Variants in SIM1 observed in about 807,000 individuals in gnomAD.
SIM1 encodes the protein SIM bHLH transcription factor 1.
A neutral mutation model predicts 78.2 loss-of-function variants in SIM1; 18 were observed. That is an observed-to-expected ratio of 0.23 (90% confidence interval 0.16 to 0.34). The LOEUF (loss-of-function observed/expected upper bound fraction) is 0.34, where lower values mean the gene tolerates loss of function less well. Ranked by LOEUF, SIM1 falls within the 10% of genes least tolerant of loss-of-function variation. The pLI, the probability that SIM1 is intolerant of heterozygous loss-of-function variation, is 1.00. For missense variants in SIM1, 939 were observed against 975.1 expected, an observed-to-expected ratio of 0.96 and a Z score of 0.49; for synonymous variants, 417 against 385.2, an observed-to-expected ratio of 1.08 and a Z score of -0.97.
chr6:100,451,168 C>T (rs970315230), intron 3 of SIM1, among the ~76,000 whole-genome samples: 10 of 152,296 alleles, frequency 6.6e-5, no homozygotes, highest in African/African-American at 2.2e-4. Flanking sequence ...CATAGCTGAA[C>T]AGGTAGTGCT....
At chr6:100,412,812 G>A (rs906774832) in intron 10 of SIM1, among the ~76,000 whole-genome samples, 21 of 152,052 alleles carry the variant, frequency 1.4e-4, no homozygotes, top group Admixed American at 1.1e-3. Context: ...ACGGACGGAC[G>A]GAAGGAAGGA....
chr6:100,387,718 G>A lies in SIM1; in HGVS notation c.*2643C>T, dbSNP rs1386486160. On this transcript the variant is annotated 3_prime_UTR_variant, in exon 12 of 12. Coordinates refer to ENST00000369208, the MANE Select transcript of SIM1 (RefSeq NM_005068.3). ...ATTCTGTATTCTCTTAAAAATATTG[G>A]TCATGTCATTTTAAAGAGCATTATT... 1.3e-5 allele frequency: 2 copies of A among 151,902 alleles called. No homozygotes were observed. The highest frequency in any genetic ancestry group is 2.4e-5 in the African/African-American group (1 of 41,386). 9.4% of individuals were successfully genotyped at this position (151,902 alleles called of 1,614,324 possible). A position where few individuals can be genotyped will look rare whatever the true frequency, so the allele number is the denominator to read the frequency against.
Position 100,388,764 on chromosome 6 carries a change from C to T in SIM1, c.*1597G>A, listed in dbSNP as rs1411733739. 1 of 152,142 alleles carries T rather than the reference C, an allele frequency of 6.6e-6. No individual in the cohort carries two copies. The highest frequency in any genetic ancestry group is 1.9e-4 in the East Asian group (1 of 5,200). 9.4% of individuals were successfully genotyped at this position (152,142 alleles called of 1,614,324 possible). A position where few individuals can be genotyped will look rare whatever the true frequency, so the allele number is the denominator to read the frequency against. On this transcript the variant is annotated 3_prime_UTR_variant, in exon 12 of 12. Transcript: ENST00000369208. Reference sequence around the variant, plus strand: ...CTAGGAAATATTATCTATGAAATCTCTCTAATCACTTATATCATTTTGCTT... The same window carrying T: ...CTAGGAAATATTATCTATGAAATCTTTCTAATCACTTATATCATTTTGCTT...
chr6:100,445,252 C>T (rs1772326309), intron 9 of SIM1, among the ~76,000 whole-genome samples: 6 of 152,162 alleles, frequency 3.9e-5, no homozygotes, highest in Admixed American at 2.0e-4. Flanking sequence ...ACATTTGCAG[C>T]TATAAAAATT....
intron 10 of SIM1, among the ~76,000 whole-genome samples, chr6:100,399,097 A>C (rs1770844575): frequency 6.6e-6 from 1 of 152,054 alleles, no homozygotes; most frequent in Admixed American, 6.6e-5. Flanking sequence ...AAATCTTTGG[A>C]GAAATGTCTA....
chr6:100,414,180 C>A (rs1771338391), intron 10 of SIM1, among the ~76,000 whole-genome samples: 1 of 152,240 alleles, frequency 6.6e-6, no homozygotes, highest in African/African-American at 2.4e-5. Flanking sequence ...CAGAAGCCAA[C>A]AGTCCCTGGA....
intron 9 of SIM1, among the ~76,000 whole-genome samples, chr6:100,424,107 A>G (rs1771663694): frequency 8.3e-6 from 1 of 120,298 alleles, no homozygotes; most frequent in African/African-American, 3.2e-5. Flanking sequence ...ACTGTTGAAG[A>G]AGTCTTACCA....
chr6:100,432,539 T>C (rs185898504), intron 9 of SIM1, among the ~76,000 whole-genome samples: 1 of 152,078 alleles, frequency 6.6e-6, no homozygotes, highest in East Asian at 1.9e-4. Context: ...CTTCACACTT[T>C]CCCCAAGGCG....
intron 1 of SIM1, among the ~76,000 whole-genome samples, chr6:100,464,270 G>A (rs1772933654): frequency 6.6e-6 from 1 of 152,202 alleles, no homozygotes; most frequent in Non-Finnish European, 1.5e-5. Flanking sequence ...GCAGGTTTCC[G>A]CAAATCAGAA....
chr6:100,400,980 GA>G (rs34396535), intron 10 of SIM1, among the ~76,000 whole-genome samples: 22,055 of 149,144 alleles, frequency 0.15, 1,962 homozygotes, highest in East Asian at 0.43. Flanking sequence ...TAATTAGAAG[GA>G]AAAAAAAACA....
intron 10 of SIM1, among the ~76,000 whole-genome samples, chr6:100,412,514 G>A (rs1315721657): frequency 3.4e-5 from 5 of 146,320 alleles, no homozygotes; most frequent in African/African-American, 5.1e-5. Flanking sequence ...TCGAGGCTGG[G>A]TGACAGAGCA....
Position 100,390,018 on chromosome 6 carries a change from G to T in SIM1, c.*343C>A. The T allele has an allele frequency of 2.6e-6, 1 of 386,286 alleles. No individual in the cohort carries two copies. The highest frequency in any genetic ancestry group is 4.6e-6 in the Non-Finnish European group (1 of 217,714). 23.9% of individuals were successfully genotyped at this position (386,286 alleles called of 1,614,324 possible). ...GTAAGTAATAGTTTGTGTGTTTGAG[G>T]ATCACTGGATAGTCACAATGCAATG... is the stretch of plus-strand genomic sequence containing the variant. On this transcript the variant is annotated 3_prime_UTR_variant, in exon 12 of 12. Transcript: ENST00000369208.
chr6:100,402,341 G>A (rs986564945), intron 10 of SIM1, among the ~76,000 whole-genome samples: 1 of 152,026 alleles, frequency 6.6e-6, no homozygotes, highest in African/African-American at 2.4e-5. Flanking sequence ...CAGGCCACTA[G>A]CCAGTCATCT....
At chr6:100,459,988 T>C (rs1197636738) in intron 2 of SIM1, among the ~76,000 whole-genome samples, 2 of 152,238 alleles carry the variant, frequency 1.3e-5, no homozygotes, top group African/African-American at 4.8e-5. Flanking sequence ...ATTTTTTCTT[T>C]GCAAGGCTAC....
chr6:100,412,620 GAAGGAAAGAAAGAAAGAAAAGAA>G (rs1562239711), intron 10 of SIM1, among the ~76,000 whole-genome samples: 2 of 86,712 alleles, frequency 2.3e-5, no homozygotes, highest in African/African-American at 7.9e-5. Flanking sequence ...AGGAAAGAAA[GAAGGAAAGAAAGAAAGAAAAGAA>G]AGAAAGAAAG....
chr6:100,416,342 T>C (rs2114498111), intron 10 of SIM1, among the ~76,000 whole-genome samples: 1 of 152,052 alleles, frequency 6.6e-6, no homozygotes, highest in Middle Eastern at 3.4e-3. Flanking sequence ...AGTGTTACTG[T>C]CAGCCATTTG....
intron 10 of SIM1, among the ~76,000 whole-genome samples, chr6:100,409,363 A>T (rs1311209618): frequency 6.6e-6 from 1 of 152,010 alleles, no homozygotes; most frequent in Non-Finnish European, 1.5e-5. Flanking sequence ...AATCATTGAT[A>T]TTTCTGTAGT....
Position 100,390,841 on chromosome 6 carries a change from T to C in SIM1, c.1821A>G (p.Ala607=), listed in dbSNP as rs780551239. The change falls in exon 12 of 12, where the codon GCA becomes GCG. Residue 607 remains alanine, a synonymous_variant. Coordinates refer to ENST00000369208, the MANE Select transcript of SIM1 (RefSeq NM_005068.3). ...CTGTTGGTGGGGGCTGTTGGTAGTT[T>C]GCAAAACACAGGGAGTGTTTTTTCC... ...GAGKKHSLCF[A]NYQQPPPTGE... is the part of the protein sequence containing the mutation. 1 of 1,614,212 alleles carries C rather than the reference T, an allele frequency of 6.2e-7. No individual in the cohort carries two copies. Among genetic ancestry groups the C allele is most frequent in the Non-Finnish European group, 8.5e-7 (1 of 1,180,028 alleles).
chr6:100,425,882 A>T (rs1181113568), intron 9 of SIM1, among the ~76,000 whole-genome samples: 3 of 152,104 alleles, frequency 2.0e-5, no homozygotes. Context: ...CAGAACTTAG[A>T]CTCTTAAATC....
Sources: gnomAD v4.1 joint callset for allele counts (sites outside exome capture counted in the v4.1 genomes callset) on GRCh38, gnomAD v4.1.1 for gene constraint, MANE v1.5 for transcripts, NCBI Gene and HGNC (gene_info 2026-07-23, HGNC 2026-07-21) for gene names.